The following FARS2 variants were observed in gnomAD, a reference collection of about 807,000 sequenced individuals.
FARS2 encodes the protein phenylalanine--tRNA ligase, mitochondrial.
In FARS2, 40 loss-of-function variants were observed where a neutral mutation model predicts 46.4. The observed-to-expected ratio is 0.86, with a 90% CI of 0.67 to 1.12. The LOEUF is 1.12. Ranked by LOEUF, FARS2 falls within the 50% of genes most tolerant of loss-of-function variation. FARS2 has a pLI of 0.00. For synonymous variants in FARS2, 234 were observed against 214.9 expected (o/e 1.09, Z -0.78); for missense variants, 513 against 567.9 (o/e 0.90, Z 0.98).
intron 1 of FARS2, among the ~76,000 whole-genome samples, chr6:5,304,587 A>T (rs1483136587): frequency 6.6e-6 from 1 of 152,216 alleles, no homozygotes; most frequent in African/African-American, 2.4e-5. Flanking sequence ...CCAGATGGCC[A>T]ACTTGGTTAG....
At chr6:5,539,710 C>T (rs1158245956) in intron 4 of FARS2, among the ~76,000 whole-genome samples, 1 of 152,092 alleles carries the variant, frequency 6.6e-6, no homozygotes, top group Admixed American at 6.5e-5. Flanking sequence ...AATTTTAAGA[C>T]TCATTGATGT....
intron 1 of FARS2, among the ~76,000 whole-genome samples, chr6:5,338,004 T>A (rs1771280181): frequency 6.6e-6 from 1 of 152,176 alleles, no homozygotes; most frequent in Non-Finnish European, 1.5e-5. Context: ...AATAGTAGAT[T>A]TGAAAACTTA....
At chr6:5,359,021 A>C (rs1156434701) in intron 1 of FARS2, among the ~76,000 whole-genome samples, 3 of 145,606 alleles carry the variant, frequency 2.1e-5, no homozygotes, top group African/African-American at 7.6e-5. Flanking sequence ...ATAGTGATGA[A>C]AAGATACCCT....
chr6:5,736,680 A>T (rs4959354), intron 6 of FARS2, among the ~76,000 whole-genome samples: 85,173 of 151,090 alleles, frequency 0.56, 26,024 homozygotes, highest in East Asian at 0.81. Flanking sequence ...TTTTTTTTTT[A>T]AAAAATTGCA....
At chr6:5,277,503 T>A (rs1766418083) in intron 1 of FARS2, among the ~76,000 whole-genome samples, 1 of 152,138 alleles carries the variant, frequency 6.6e-6, no homozygotes, top group Non-Finnish European at 1.5e-5. Flanking sequence ...CAAGTTCAGC[T>A]GCAAAGAAAA....
chr6:5,762,780 T>C (rs1463837676), intron 6 of FARS2, among the ~76,000 whole-genome samples: 1 of 152,104 alleles, frequency 6.6e-6, no homozygotes, highest in Non-Finnish European at 1.5e-5. Flanking sequence ...AGAGGAACCA[T>C]CTGGACTGGT....
At chr6:5,332,414 A>T (rs528108093) in intron 1 of FARS2, among the ~76,000 whole-genome samples, 1 of 152,316 alleles carries the variant, frequency 6.6e-6, no homozygotes, top group African/African-American at 2.4e-5. Flanking sequence ...CAATAGAAAG[A>T]AGTATATGGT....
At chr6:5,400,425 G>A (rs4959338) in intron 2 of FARS2, among the ~76,000 whole-genome samples, 46,865 of 151,638 alleles carry the variant, frequency 0.31, 7,632 homozygotes, top group African/African-American at 0.4. Flanking sequence ...CTTTATGTGT[G>A]TGTGTGTTTG....
At chr6:5,429,459 A>T (rs958960167) in intron 3 of FARS2, among the ~76,000 whole-genome samples, 4 of 151,974 alleles carry the variant, frequency 2.6e-5, no homozygotes, top group African/African-American at 4.8e-5. Context: ...CTAATGTTTG[A>T]CTCTCAAAAT....
chr6:5,656,895 C>A (rs1249539647), intron 6 of FARS2, among the ~76,000 whole-genome samples: 1 of 152,094 alleles, frequency 6.6e-6, no homozygotes, highest in African/African-American at 2.4e-5. Flanking sequence ...TGTGGTGTGT[C>A]CTAATGAGAA....
chr6:5,619,480 G>A (rs1329537500), intron 6 of FARS2, among the ~76,000 whole-genome samples: 1 of 152,146 alleles, frequency 6.6e-6, no homozygotes, highest in East Asian at 1.9e-4. Context: ...TCTGTGCACT[G>A]TCAGTCAGAG....
intron 3 of FARS2, among the ~76,000 whole-genome samples, chr6:5,417,505 G>T (rs1762307505): frequency 2.0e-5 from 3 of 152,190 alleles, no homozygotes; most frequent in African/African-American, 7.2e-5. Context: ...GGGATTACAG[G>T]TATGAGCCAC....
chr6:5,660,485 A>G (rs1375983115), intron 6 of FARS2, among the ~76,000 whole-genome samples: 2 of 152,048 alleles, frequency 1.3e-5, no homozygotes, highest in Non-Finnish European at 2.9e-5. Flanking sequence ...CATCTCTACA[A>G]AAAATTAAAA....
chr6:5,501,025 C>T (rs1005582380), intron 4 of FARS2, among the ~76,000 whole-genome samples: 5 of 151,378 alleles, frequency 3.3e-5, no homozygotes, highest in African/African-American at 1.2e-4. Flanking sequence ...AGAGGGAATG[C>T]AGTGATTAAC....
At position 5,290,042 on chromosome 6, in the gene FARS2, T is replaced by G. The variant is rs139329870; in HGVS notation, c.-22+28382T>G. On this transcript the variant is annotated intron_variant, in intron 1 of 6. Coordinates refer to ENST00000274680, the MANE Select transcript of FARS2 (RefSeq NM_006567.5). ...AGTGTAAAATTTTCAATATTTATAT[T>G]AAATAATGGTGTTTTAAAGTGTAAA... 3.3e-5 allele frequency among the ~76,000 whole-genome samples: 5 copies of G among 152,352 alleles called. No homozygotes were observed. In the East Asian group the frequency reaches 9.6e-4, roughly 29 times the overall value.
chr6:5,507,732 T>C (rs2150395237), intron 4 of FARS2, among the ~76,000 whole-genome samples: 1 of 152,338 alleles, frequency 6.6e-6, no homozygotes, highest in South Asian at 2.1e-4. Flanking sequence ...GCCTCCCGGC[T>C]AGTGGGTCAG....
At chr6:5,428,705 GATGGGCA>G (rs1355001724) in intron 3 of FARS2, among the ~76,000 whole-genome samples, 5 of 152,180 alleles carry the variant, frequency 3.3e-5, no homozygotes, top group African/African-American at 1.2e-4. Context: ...TGGTCCCAAA[GATGGGCA>G]GGGATACAGG....
At chr6:5,609,715 G>T in intron 5 of FARS2, 5 of 1,473,726 alleles carry the variant, frequency 3.4e-6, no homozygotes, top group Non-Finnish European at 3.7e-6. Context: ...TCTTATCCAC[G>T]GAGTCATGGT....
At chr6:5,571,305 G>A (rs1302913758) in intron 5 of FARS2, among the ~76,000 whole-genome samples, 2 of 152,174 alleles carry the variant, frequency 1.3e-5, no homozygotes, top group Admixed American at 6.5e-5. Context: ...TAATTCATGC[G>A]TCTTCTGTGA....
Sources: gnomAD v4.1 joint callset for allele counts (sites outside exome capture counted in the v4.1 genomes callset) on GRCh38, gnomAD v4.1.1 for gene constraint, MANE v1.5 for transcripts, NCBI Gene and HGNC (gene_info 2026-07-23, HGNC 2026-07-21) for gene names.